PDE11A: variants seen among roughly 807,000 people sequenced by gnomAD.
PDE11A encodes phosphodiesterase 11A, also known as dual 3',5'-cyclic-AMP and -GMP phosphodiesterase 11A.
A neutral mutation model predicts 100.5 loss-of-function variants in PDE11A; 100 were observed. The observed-to-expected ratio is 1.00, with a 90% CI of 0.85 to 1.18. PDE11A has a LOEUF of 1.18. Among genes scored for constraint, PDE11A ranks in the 50% most tolerant of loss-of-function variants. PDE11A has a pLI of 0.00. For missense variants in PDE11A, 1,141 were observed against 1,152.6 expected (o/e 0.99, Z 0.15); for synonymous variants, 381 against 420.8 (o/e 0.91, Z 1.16).
intron 9 of PDE11A, among the ~76,000 whole-genome samples, chr2:177,771,463 C>T (rs1213051128): frequency 1.3e-5 from 2 of 152,110 alleles, no homozygotes; most frequent in Admixed American, 6.5e-5. Flanking sequence ...AGTCAGGCTG[C>T]CACGCCTCCA....
chr2:178,098,720 A>G (rs2087525687), intron 2 of PDE11A, among the ~76,000 whole-genome samples: 1 of 151,972 alleles, frequency 6.6e-6, no homozygotes, highest in Non-Finnish European at 1.5e-5. Context: ...CTTACCACAC[A>G]TAATGGTAAA....
intron 2 of PDE11A, among the ~76,000 whole-genome samples, chr2:177,936,957 T>C (rs2085282529): frequency 6.6e-6 from 1 of 152,086 alleles, no homozygotes; most frequent in Non-Finnish European, 1.5e-5. Context: ...TTTTATTAAA[T>C]ATTTATATTT....
intron 15 of PDE11A, among the ~76,000 whole-genome samples, chr2:177,688,798 ATTCTAAAGATTGGTTACCAGTC>A (rs2080996285): frequency 2.0e-5 from 3 of 152,254 alleles, no homozygotes; most frequent in Admixed American, 2.0e-4. Context: ...TTCAAAAATA[ATTCTAAAGATTGGTTACCAGTC>A]ACCCATCACC....
chr2:178,102,410 C>G (rs1455419211), intron 2 of PDE11A, among the ~76,000 whole-genome samples: 1 of 149,596 alleles, frequency 6.7e-6, no homozygotes, highest in East Asian at 2.0e-4. Context: ...CAGGCGTAAG[C>G]CACCATGCCT....
intron 1 of PDE11A, among the ~76,000 whole-genome samples, chr2:178,014,879 G>GA (rs71410793): frequency 0.6 from 91,233 of 151,036 alleles, 28,852 homozygotes; most frequent in Admixed American, 0.71. Context: ...ATGATCCTGT[G>GA]AAAAAAAAAT....
chr2:177,651,082 A>G (rs2178018), intron 19 of PDE11A, among the ~76,000 whole-genome samples: 14,908 of 152,252 alleles, frequency 0.098, 913 homozygotes, highest in East Asian at 0.19. Context: ...CTGAAATAAA[A>G]AGATCCTCAT....
At chr2:177,918,127 G>A (rs950809732) in intron 2 of PDE11A, among the ~76,000 whole-genome samples, 1 of 152,104 alleles carries the variant, frequency 6.6e-6, no homozygotes, top group Non-Finnish European at 1.5e-5. Context: ...CTTTGTGAAG[G>A]GCCAATCATT....
chr2:177,951,788 T>C (rs995863585), intron 2 of PDE11A, among the ~76,000 whole-genome samples: 3 of 152,184 alleles, frequency 2.0e-5, no homozygotes, highest in South Asian at 2.1e-4. Flanking sequence ...GAGGAAGATA[T>C]TATCTTCATC....
chr2:177,750,473 T>C (rs1042314849), intron 10 of PDE11A, among the ~76,000 whole-genome samples: 11 of 152,264 alleles, frequency 7.2e-5, no homozygotes, highest in Non-Finnish European at 1.3e-4. Flanking sequence ...TGGATGGTCC[T>C]GCAGCATTTC....
intron 10 of PDE11A, among the ~76,000 whole-genome samples, chr2:177,753,866 A>G (rs3770043): frequency 0.054 from 8,216 of 151,460 alleles, 229 homozygotes; most frequent in Middle Eastern, 0.14. Context: ...TTTACATTTG[A>G]TTTTTATGGA....
intron 2 of PDE11A, among the ~76,000 whole-genome samples, chr2:178,013,527 C>T (rs1043116563): frequency 6.6e-6 from 1 of 152,082 alleles, no homozygotes; most frequent in Non-Finnish European, 1.5e-5. Flanking sequence ...AATGACAAAC[C>T]CACATCCAGA....
intron 6 of PDE11A, among the ~76,000 whole-genome samples, 168 bp from the exon 7 acceptor site, chr2:177,820,463 C>T (rs1216993619): frequency 1.3e-5 from 2 of 151,958 alleles, no homozygotes; most frequent in African/African-American, 4.8e-5. Flanking sequence ...CCTCCTTCAT[C>T]ACAATGAACA....
intron 5 of PDE11A, among the ~76,000 whole-genome samples, chr2:177,848,352 T>C (rs2105641798): frequency 6.6e-6 from 1 of 152,338 alleles, no homozygotes; most frequent in Non-Finnish European, 1.5e-5. Flanking sequence ...TCAGTGAAAC[T>C]TCCTTAAAAG....
At chr2:177,758,229 G>C (rs562084820) in intron 10 of PDE11A, among the ~76,000 whole-genome samples, 1 of 150,304 alleles carries the variant, frequency 6.7e-6, no homozygotes, top group African/African-American at 2.5e-5. Flanking sequence ...CCCGGGATGC[G>C]GAGCTTGCAG....
At chr2:177,981,613 T>C (rs1344931973) in intron 2 of PDE11A, among the ~76,000 whole-genome samples, 1 of 150,760 alleles carries the variant, frequency 6.6e-6, no homozygotes, top group South Asian at 2.1e-4. Context: ...TTGACTTGAT[T>C]ACCTCTGTAA....
intron 9 of PDE11A, among the ~76,000 whole-genome samples, chr2:177,783,033 T>C (rs1459944885): frequency 6.6e-6 from 1 of 152,212 alleles, no homozygotes; most frequent in Non-Finnish European, 1.5e-5. Flanking sequence ...TCACTGACCA[T>C]TAATCTCGTA....
intron 6 of PDE11A, among the ~76,000 whole-genome samples, chr2:177,824,913 T>C (rs2083204360): frequency 6.6e-6 from 1 of 152,164 alleles, no homozygotes; most frequent in Admixed American, 6.6e-5. Flanking sequence ...ATTATGACCA[T>C]AATAGTTTCC....
rs146702908 is a variant in PDE11A, at chr2:178,060,556, A to G, written c.912+10970T>C. On this transcript the variant is annotated intron_variant, in intron 1 of 19. Transcript: ENST00000286063. ...CATTATCCTCATTTTAGAATTGCAG[A>G]AACTAGCAACTAGAGAGGTAAAATA... Among the ~76,000 whole-genome samples, 190 of 152,326 alleles carry G rather than the reference A, an allele frequency of 1.2e-3. 1 individual carries two copies. Among genetic ancestry groups the G allele is most frequent in the Admixed American group, 3.8e-3 (58 of 15,304 alleles).
chr2:178,039,823 ATGT>A (rs1427933603), intron 1 of PDE11A, among the ~76,000 whole-genome samples: 1 of 152,226 alleles, frequency 6.6e-6, no homozygotes, highest in Middle Eastern at 3.4e-3. Context: ...CAAAAACATA[ATGT>A]TGAGCAGAAA....
Sources: allele counts gnomAD v4.1 joint callset (sites outside exome capture counted in the v4.1 genomes callset), GRCh38; gene constraint gnomAD v4.1.1; transcripts MANE v1.5; gene names NCBI Gene and HGNC (gene_info 2026-07-23, HGNC 2026-07-21).